The following UMAD1 variants were observed in gnomAD, a reference collection of about 807,000 sequenced individuals.
UMAD1 encodes the protein UBAP1-MVB12-associated (UMA) domain containing 1.
Under a neutral mutation model 6.1 loss-of-function variants are expected in UMAD1, and 8 were observed. The ratio of observed to expected loss-of-function variants is 1.30; its 90% CI spans 0.76 to 2.35. The LOEUF (loss-of-function observed/expected upper bound fraction) is 2.35. Ranked by LOEUF, UMAD1 falls within the 30% of genes most tolerant of loss-of-function variation. UMAD1 has a pLI of 0.00. For missense variants in UMAD1, 130 were observed against 78.4 expected, an observed-to-expected ratio of 1.66 and a Z score of -2.49; for synonymous variants, 56 against 31.4, an observed-to-expected ratio of 1.78 and a Z score of -2.61.
At chr7:7,832,437 G>T (rs1365963855) in intron 3 of UMAD1, among the ~76,000 whole-genome samples, 3 of 151,950 alleles carry the variant, frequency 2.0e-5, no homozygotes, top group Non-Finnish European at 4.4e-5. Context: ...CCCAGATATG[G>T]CCTGGTGAAA....
chr7:7,799,402 G>A (rs552800575), intron 2 of UMAD1, among the ~76,000 whole-genome samples: 24 of 152,196 alleles, frequency 1.6e-4, no homozygotes, highest in Non-Finnish European at 2.9e-4. Flanking sequence ...AGTTAAGAAC[G>A]CTGGCTGATA....
intron 2 of UMAD1, among the ~76,000 whole-genome samples, chr7:7,776,995 T>A (rs1333724874): frequency 6.6e-6 from 1 of 152,170 alleles, no homozygotes; most frequent in African/African-American, 2.4e-5. Flanking sequence ...CTTTTTACCC[T>A]CCTCCATGCT....
At chr7:7,873,949 C>T (rs1404659833) in intron 3 of UMAD1, among the ~76,000 whole-genome samples, 2 of 152,188 alleles carry the variant, frequency 1.3e-5, no homozygotes, top group Non-Finnish European at 2.9e-5. Flanking sequence ...CACCAGATCT[C>T]GTCCAGCTGC....
At chr7:7,673,589 A>C in intron 2 of UMAD1, 136 bp downstream of exon 2, 3 of 606,692 alleles carry the variant, frequency 4.9e-6, no homozygotes, top group Non-Finnish European at 8.7e-6. Flanking sequence ...TTAAAGCGTA[A>C]AATCTGTAAA....
intron 3 of UMAD1, among the ~76,000 whole-genome samples, chr7:7,828,537 A>G (rs1332463504): frequency 6.6e-6 from 1 of 152,198 alleles, no homozygotes; most frequent in Non-Finnish European, 1.5e-5. Context: ...TCTTGCGGCT[A>G]TATCAACCCA....
intron 3 of UMAD1, among the ~76,000 whole-genome samples, chr7:7,866,102 C>T (rs570440682): frequency 1.3e-5 from 2 of 152,186 alleles, no homozygotes; most frequent in South Asian, 4.2e-4. Context: ...TTGGTAAAAT[C>T]TTAGAAAAAC....
At chr7:7,844,473 G>T (rs1239470616) in intron 3 of UMAD1, among the ~76,000 whole-genome samples, 1 of 152,032 alleles carries the variant, frequency 6.6e-6, no homozygotes, top group African/African-American at 2.4e-5. Flanking sequence ...TCTTAAAGGA[G>T]CCCAGGTGCA....
intron 3 of UMAD1, among the ~76,000 whole-genome samples, chr7:7,868,940 T>C (rs1784286382): frequency 6.6e-6 from 1 of 152,320 alleles, no homozygotes; most frequent in South Asian, 2.1e-4. Context: ...ATGAGCACTT[T>C]GTATATATAG....
chr7:7,764,191 G>T (rs894717737), intron 2 of UMAD1, among the ~76,000 whole-genome samples: 1 of 152,024 alleles, frequency 6.6e-6, no homozygotes, highest in Non-Finnish European at 1.5e-5. Flanking sequence ...CCATCTGGGG[G>T]GTCATCTTGC....
chr7:7,750,091 A>G (rs983320972), intron 2 of UMAD1, among the ~76,000 whole-genome samples: 10 of 152,156 alleles, frequency 6.6e-5, no homozygotes, highest in Admixed American at 2.6e-4. Context: ...GCAAAATAGA[A>G]TTATGGTCAA....
intron 3 of UMAD1, among the ~76,000 whole-genome samples, chr7:7,821,179 C>A (rs576743040): frequency 6.6e-6 from 1 of 152,110 alleles, no homozygotes; most frequent in Non-Finnish European, 1.5e-5. Context: ...GCTTTCCCCC[C>A]ACCCCCAAGT....
At chr7:7,752,621 C>A (rs1563178814) in intron 2 of UMAD1, among the ~76,000 whole-genome samples, 1 of 151,946 alleles carries the variant, frequency 6.6e-6, no homozygotes, top group Non-Finnish European at 1.5e-5. Context: ...TCTAAAAATT[C>A]TTTTTATAGC....
intron 2 of UMAD1, among the ~76,000 whole-genome samples, chr7:7,758,072 T>A (rs1451136472): frequency 3.3e-5 from 5 of 151,968 alleles, no homozygotes; most frequent in Admixed American, 2.0e-4. Flanking sequence ...ATTTTTACAT[T>A]ATTATTATTA....
At chr7:7,652,308 A>C (rs1311788487) in intron 1 of UMAD1, among the ~76,000 whole-genome samples, 1 of 152,228 alleles carries the variant, frequency 6.6e-6, no homozygotes, top group Non-Finnish European at 1.5e-5. Context: ...CCCATTGATC[A>C]TGCAGTTCGT....
intron 1 of UMAD1, among the ~76,000 whole-genome samples, chr7:7,660,652 G>C (rs1255198125): frequency 2.0e-5 from 3 of 152,204 alleles, no homozygotes. Flanking sequence ...GGCCTGTAGG[G>C]TTTCTGCAGA....
intron 3 of UMAD1, among the ~76,000 whole-genome samples, chr7:7,826,096 A>T (rs1563238055): frequency 1.3e-5 from 2 of 152,160 alleles, no homozygotes; most frequent in African/African-American, 4.8e-5. Flanking sequence ...GGTTGAATCC[A>T]TGGATATTGA....
At chr7:7,769,503 C>T (rs1460837751) in intron 2 of UMAD1, among the ~76,000 whole-genome samples, 8 of 152,106 alleles carry the variant, frequency 5.3e-5, no homozygotes, top group African/African-American at 1.9e-4. Context: ...ACAGGATGGG[C>T]GTTTGCTGCA....
chr7:7,821,733 C>T (rs552470702), intron 3 of UMAD1, among the ~76,000 whole-genome samples: 4 of 152,250 alleles, frequency 2.6e-5, no homozygotes, highest in Admixed American at 1.3e-4. Flanking sequence ...TACTGCTTTG[C>T]GGTTGTGCAG....
chr7:7,689,779 A>G (rs993307387), intron 2 of UMAD1, among the ~76,000 whole-genome samples: 1 of 152,180 alleles, frequency 6.6e-6, no homozygotes, highest in African/African-American at 2.4e-5. Flanking sequence ...AGTCATAAGT[A>G]AACATTTTGA....
Sources: allele counts gnomAD v4.1 joint callset (sites outside exome capture counted in the v4.1 genomes callset), GRCh38; gene constraint gnomAD v4.1.1; transcripts MANE v1.5; gene names NCBI Gene and HGNC (gene_info 2026-07-23, HGNC 2026-07-21).